Variants in SERPINB13 observed in about 807,000 individuals in gnomAD.
SERPINB13 encodes the protein serpin family B member 13.
SERPINB13 carries 26 observed loss-of-function variants against 31.2 expected under a neutral mutation model. The observed-to-expected ratio is 0.83, with a 90% CI of 0.61 to 1.15. The LOEUF (loss-of-function observed/expected upper bound fraction) is 1.15, where lower values mean the gene tolerates loss of function less well. Among genes scored for constraint, SERPINB13 ranks in the 50% most tolerant of loss-of-function variants. The pLI, the probability that SERPINB13 is intolerant of heterozygous loss-of-function variation, is 0.00. For missense variants in SERPINB13, 510 were observed against 469.4 expected (o/e 1.09, Z -0.80); for synonymous variants, 191 against 172.4 (o/e 1.11, Z -0.85).
intron 3 of SERPINB13, among the ~76,000 whole-genome samples, chr18:63,591,408 T>TTTCCTTCC (rs796398994): frequency 6.7e-5 from 8 of 118,640 alleles, no homozygotes; most frequent in African/African-American, 2.1e-4. Context: ...TCCTTTTTTC[T>TTTCCTTCC]TTCCTTCCTT....
At chr18:63,589,951 G>C (rs530752008) in intron 3 of SERPINB13, 1 of 744,626 alleles carries the variant, frequency 1.3e-6, no homozygotes, top group Middle Eastern at 4.2e-4. Context: ...GGACAATACC[G>C]CTATGATAGA....
chr18:63,594,338 T>A lies in SERPINB13; in HGVS notation c.473-17T>A. Reference sequence around the variant, plus strand: ...TTTGGAAGATGGGTCAACCTTTTTCTGTTTCTTCATTTGCAGAAAAAATCA... The same window carrying A: ...TTTGGAAGATGGGTCAACCTTTTTCAGTTTCTTCATTTGCAGAAAAAATCA... On this transcript the variant is annotated splice_polypyrimidine_tract_variant and intron_variant, in intron 5 of 7. Coordinates refer to ENST00000344731, the MANE Select transcript of SERPINB13 (RefSeq NM_012397.4). 6.2e-7 allele frequency: 1 copy of A among 1,613,318 alleles called. No individual in the cohort carries two copies.
At chr18:63,588,595 C>A in intron 1 of SERPINB13, 56 bp from the exon 2 acceptor site, 1 of 1,533,400 alleles carries the variant, frequency 6.5e-7, no homozygotes, top group South Asian at 1.2e-5. Flanking sequence ...GAAAGGATTC[C>A]CCTGACACAG....
chr18:63,591,270 CA>C (rs1429082318), intron 3 of SERPINB13, among the ~76,000 whole-genome samples: 1 of 152,142 alleles, frequency 6.6e-6, no homozygotes, highest in African/African-American at 2.4e-5. Context: ...GGCTTAGCAT[CA>C]TGTTTATAAG....
chr18:63,587,720 C>G (rs1911594950), intron 1 of SERPINB13, among the ~76,000 whole-genome samples: 1 of 152,222 alleles, frequency 6.6e-6, no homozygotes, highest in African/African-American at 2.4e-5. Flanking sequence ...CGGGGATGAG[C>G]CCTTGAGGGC....
intron 7 of SERPINB13, among the ~76,000 whole-genome samples, chr18:63,596,049 T>C (rs1912149363): frequency 6.6e-6 from 1 of 152,186 alleles, no homozygotes; most frequent in Non-Finnish European, 1.5e-5. Flanking sequence ...TTAACTTCCT[T>C]GAACTTCAAT....
rs555872125 is a variant in SERPINB13 at position 63,596,695 on chromosome 18, C to T, written c.772-264C>T. 2.0e-4 allele frequency among the ~76,000 whole-genome samples: 30 copies of T among 152,132 alleles called. No homozygotes were observed. In the South Asian group the frequency reaches 6.2e-3, roughly 32 times the overall value. On this transcript the variant is annotated intron_variant, in intron 7 of 7. Transcript: ENST00000344731. ...AGAGATAGTTAAAATGAAATATATA[C>T]TAGGTTGATAAAATAAGAAATGACT...
Position 63,594,469 on chromosome 18 carries a change from C to T in SERPINB13, c.587C>T (p.Thr196Ile). Residue 196 changes from threonine (T) to isoleucine (I), a missense_variant, in exon 6 of 8, where the codon ACT becomes ATT. By Grantham distance (89) the Thr-to-Ile change is moderately conservative. Transcript: ENST00000344731. ...QWDREFKKENTKEEKFWMNKS... is the reference protein window; with the variant it reads ...QWDREFKKENIKEEKFWMNKS... ...GACAGGGAGTTTAAGAAAGAAAATA[C>T]TAAGGAAGAGAAATTTTGGATGAAT... 3 of 1,613,958 alleles carry T rather than the reference C, an allele frequency of 1.9e-6. No homozygotes were observed. Among genetic ancestry groups the T allele is most frequent in the Non-Finnish European group, 2.5e-6 (3 of 1,179,954 alleles).
In SERPINB13 at chr18:63,595,190, C is replaced by T. The variant is rs373643835; in HGVS notation, c.771+6C>T. Reference sequence around the variant, plus strand: ...ACATCGATGGCCTGGAGAAGGTAAACGCTTACACCTCCTTATTCTTTCTTT... The same window carrying T: ...ACATCGATGGCCTGGAGAAGGTAAATGCTTACACCTCCTTATTCTTTCTTT... On this transcript the variant is annotated splice_donor_region_variant and intron_variant, in intron 7 of 7. Transcript: ENST00000344731. 122 of 1,604,652 alleles carry T rather than the reference C, an allele frequency of 7.6e-5. No homozygotes were observed. The highest frequency in any genetic ancestry group is 6.7e-4 in the African/African-American group (50 of 74,304).
At position 63,589,451 on chromosome 18, in the gene SERPINB13, T is replaced by TCACACACACACACACA. The variant is rs112829867; in HGVS notation, c.166-181_166-166dup. 4.6e-4 allele frequency among the ~76,000 whole-genome samples: 52 copies of TCACACACACACACACA among 112,000 alleles called. 1 individual carries two copies. Among genetic ancestry groups the TCACACACACACACACA allele is most frequent in the South Asian group, 2.7e-3 (9 of 3,322 alleles). 73.5% of individuals were successfully genotyped at this position (112,000 alleles called of 152,430 possible). On this transcript the variant is annotated intron_variant, in intron 2 of 7. Transcript: ENST00000344731. Reference sequence around the variant, plus strand: ...ACCTGGCCAAAAGAGCAAAACTCCATCACACACACACACACACACACACAC... The same window carrying TCACACACACACACACA: ...ACCTGGCCAAAAGAGCAAAACTCCATCACACACACACACACACACACACACACACACACACACACAC...
Position 63,597,435 on chromosome 18 carries a change from A to G in SERPINB13, c.*72A>G. On this transcript the variant is annotated 3_prime_UTR_variant, in exon 8 of 8. Transcript: ENST00000344731. ...CAGTGTTACTCATATGATTATGAAA[A>G]TCGTCCATTCTTTTAAATGTTGTCT... is the stretch of plus-strand genomic sequence containing the variant. The G allele has an allele frequency of 6.8e-7, 1 of 1,462,950 alleles. No individual in the cohort carries two copies. 90.6% of individuals were successfully genotyped at this position (1,462,950 alleles called of 1,614,324 possible). A position where few individuals can be genotyped will look rare whatever the true frequency, so the allele number is the denominator to read the frequency against.
At chr18:63,588,390 T>C (rs961964743) in intron 1 of SERPINB13, among the ~76,000 whole-genome samples, 3 of 152,002 alleles carry the variant, frequency 2.0e-5, no homozygotes, top group Non-Finnish European at 4.4e-5. Context: ...AATAAAGCCA[T>C]TAAAACATTA....
chr18:63,591,853 T>A (rs550809059), intron 3 of SERPINB13, among the ~76,000 whole-genome samples: 99 of 150,098 alleles, frequency 6.6e-4, no homozygotes, highest in African/African-American at 1.8e-3. Flanking sequence ...ATTCAGAAAA[T>A]TTTTTTTTTC....
intron 7 of SERPINB13, 124 bp from the exon 8 acceptor site, chr18:63,596,834 GA>G: frequency 1.4e-6 from 1 of 736,446 alleles, no homozygotes; most frequent in Non-Finnish European, 2.1e-6. Flanking sequence ...ACAATCTAGT[GA>G]AATAAAATTT....
In SERPINB13 at chr18:63,597,013, A is replaced by G; in HGVS notation, c.826A>G (p.Met276Val). 6.2e-7 allele frequency: 1 copy of G among 1,614,188 alleles called. No homozygotes were observed. Among genetic ancestry groups the G allele is most frequent in the African/African-American group, 1.3e-5 (1 of 75,048 alleles). The change falls in exon 8 of 8, where the codon ATG (methionine) becomes GTG (valine). Residue 276 changes from methionine to valine, a missense_variant. Transcript: ENST00000344731. Reference protein sequence around the residue: ...KLVEWTSPGHMEERKVNLHLP... With the variant: ...KLVEWTSPGHVEERKVNLHLP... ...GGTAGAGTGGACTAGTCCAGGGCAT[A>G]TGGAAGAAAGAAAGGTGAATCTGCA...
Position 63,596,962 on chromosome 18 carries a change from A to G in SERPINB13, c.775A>G (p.Ile259Val). Residue 259 changes from isoleucine to valine, a missense_variant, in exon 8 of 8, where the codon ATA (isoleucine) becomes GTA (valine). Coordinates refer to ENST00000344731, the MANE Select transcript of SERPINB13 (RefSeq NM_012397.4). ...PNDIDGLEKI[I>V]DKISPEKLVE... The stretch of plus-strand genomic sequence containing the variant: ...ACTCTTCTTTTTTTGAAAATAGATA[A>G]TAGATAAAATAAGTCCTGAGAAATT... The G allele has an allele frequency of 6.3e-7, 1 of 1,596,058 alleles. No homozygotes were observed. Among genetic ancestry groups the G allele is most frequent in the South Asian group, 1.1e-5 (1 of 89,126 alleles).
chr18:63,593,026 A>G, intron 5 of SERPINB13, 55 bp downstream of exon 5: 1 of 1,146,554 alleles, frequency 8.7e-7, no homozygotes, highest in Admixed American at 2.0e-5. Flanking sequence ...GAAACAAACA[A>G]ACAAAAAACA....
rs1382243119 is a variant in SERPINB13, at chr18:63,598,919, G to A, written c.*1556G>A. On this transcript the variant is annotated 3_prime_UTR_variant, in exon 8 of 8. Coordinates refer to ENST00000344731, the MANE Select transcript of SERPINB13 (RefSeq NM_012397.4). ...CAAATCCTCACCAACATCCAGGATT[G>A]TGTCTTTATGATTATAGCCATTTTT... The A allele has an allele frequency of 6.6e-6, 1 of 152,172 alleles. No homozygotes were observed. Among genetic ancestry groups the A allele is most frequent in the African/African-American group, 2.4e-5 (1 of 41,460 alleles). 9.4% of individuals were successfully genotyped at this position (152,172 alleles called of 1,614,324 possible).
intron 5 of SERPINB13, 106 bp downstream of exon 5, chr18:63,593,077 A>T (rs1402226784): frequency 1.3e-6 from 1 of 742,996 alleles, no homozygotes; most frequent in Non-Finnish European, 2.3e-6. Context: ...TGGACTTGTC[A>T]CTGCGTGGGG....
Sources: gnomAD v4.1 joint callset for allele counts (sites outside exome capture counted in the v4.1 genomes callset) on GRCh38, gnomAD v4.1.1 for gene constraint, MANE v1.5 for transcripts, NCBI Gene and HGNC (gene_info 2026-07-23, HGNC 2026-07-21) for gene names.